ANKRD60: variants seen among roughly 807,000 people sequenced by gnomAD.
ANKRD60 encodes the protein ankyrin repeat domain 60.
A neutral mutation model predicts 21.3 loss-of-function variants in ANKRD60; 24 were observed. The observed-to-expected ratio is 1.13, with a 90% CI of 0.82 to 1.59. The LOEUF is 1.59. Ranked by LOEUF, ANKRD60 falls within the 40% of genes most tolerant of loss-of-function variation. The pLI is 0.00. For missense variants in ANKRD60, 490 were observed against 466.7 expected (o/e 1.05, Z -0.46); for synonymous variants, 182 against 199.4 (o/e 0.91, Z 0.74).
intron 3 of ANKRD60, among the ~76,000 whole-genome samples, chr20:58,220,683 A>AGTGTGTGTGTGT (rs36015489): frequency 1.8e-4 from 27 of 148,506 alleles, no homozygotes; most frequent in African/African-American, 6.3e-4. Context: ...GGTTTTTTCT[A>AGTGTGTGTGTGT]GTGTGTGTGT....
rs114706997 is a variant in ANKRD60 at position 58,222,970 on chromosome 20, C to T, written c.561+82G>A. 1.9e-3 allele frequency: 2,725 copies of T among 1,424,510 alleles called. 48 individuals carry two copies. In the African/African-American group the frequency reaches 0.035, roughly 18 times the overall value. 88.2% of individuals were successfully genotyped at this position (1,424,510 alleles called of 1,614,324 possible). ...TGCTCTGAAACTGTTATTCACATAT[C>T]CGTATTAAAGACTAATTTTCCCCCC... On this transcript the variant is annotated intron_variant, in intron 2 of 3. Transcript: ENST00000457363.
chr20:58,219,490 C>T (rs1038249290), intron 3 of ANKRD60, among the ~76,000 whole-genome samples: 1 of 152,150 alleles, frequency 6.6e-6, no homozygotes, highest in Non-Finnish European at 1.5e-5. Context: ...AAGACAGGCA[C>T]TCAGGAAATG....
chr20:58,221,599 A>G, intron 2 of ANKRD60, 96 bp from the exon 3 acceptor site: 1 of 1,350,768 alleles, frequency 7.4e-7, no homozygotes, highest in Non-Finnish European at 1.0e-6. Flanking sequence ...GCTTGCTTGA[A>G]TGTCAAATTA....
chr20:58,217,441 A>G (rs1007960948), downstream of ANKRD60, among the ~76,000 whole-genome samples: 1 of 151,992 alleles, frequency 6.6e-6, no homozygotes, highest in Non-Finnish European at 1.5e-5. Flanking sequence ...AAAAAGAAAA[A>G]AAAAAATCAA....
intron 1 of ANKRD60, among the ~76,000 whole-genome samples, chr20:58,227,803 C>G (rs1195848007): frequency 6.6e-6 from 1 of 151,944 alleles, no homozygotes; most frequent in Non-Finnish European, 1.5e-5. Flanking sequence ...TGAGGACAGG[C>G]CTTGTTTCAG....
Position 58,223,194 on chromosome 20 carries a change from A to C in ANKRD60, c.431-12T>G. 1 of 1,533,940 alleles carries C rather than the reference A, an allele frequency of 6.5e-7. No individual in the cohort carries two copies. On this transcript the variant is annotated splice_polypyrimidine_tract_variant and intron_variant, in intron 1 of 3. Coordinates refer to ENST00000457363, the Ensembl canonical transcript of ANKRD60. ...ATCCATCAAAACTCCTGCAGGGAAA[A>C]ATTTTTTTTCTTTTAAAAAATTGGG...
chr20:58,221,939 A>G (rs1470763246), intron 2 of ANKRD60, among the ~76,000 whole-genome samples: 1 of 152,144 alleles, frequency 6.6e-6, no homozygotes, highest in Non-Finnish European at 1.5e-5. Flanking sequence ...TAGGTTTCAG[A>G]GCAAGCTGAA....
chr20:58,227,513 G>T (rs1269730882), intron 1 of ANKRD60, among the ~76,000 whole-genome samples: 2 of 152,120 alleles, frequency 1.3e-5, no homozygotes, highest in African/African-American at 4.8e-5. Context: ...TTCAAGCCCT[G>T]GCATCCTGGG....
intron 1 of ANKRD60, among the ~76,000 whole-genome samples, chr20:58,224,622 G>C (rs868740024): frequency 6.6e-6 from 1 of 152,252 alleles, no homozygotes; most frequent in Non-Finnish European, 1.5e-5. Flanking sequence ...AGAGGGAATA[G>C]TGATCAGCAA....
chr20:58,222,972 G>A (rs572208840), intron 2 of ANKRD60, 80 bp downstream of exon 2: 54 of 1,439,280 alleles, frequency 3.8e-5, no homozygotes, highest in African/African-American at 2.9e-4. Context: ...TCACATATCC[G>A]TATTAAAGAC....
At chr20:58,217,306 G>A (rs1046511349), downstream of ANKRD60, among the ~76,000 whole-genome samples, 5 of 152,092 alleles carry the variant, frequency 3.3e-5, no homozygotes, top group Non-Finnish European at 7.3e-5. Context: ...GCAGGTGCCT[G>A]TAATCTTAGC....
At chr20:58,227,457 G>C (rs527758229) in intron 1 of ANKRD60, among the ~76,000 whole-genome samples, 9 of 152,064 alleles carry the variant, frequency 5.9e-5, no homozygotes, top group African/African-American at 2.2e-4. Context: ...GGTTCAGTTG[G>C]GCATGTGTGC....
rs1424970593 is a variant in ANKRD60, at chr20:58,227,147, ATAAT to A, written c.430+1073_430+1076del. Reference sequence around the variant, plus strand: ...GAGGATTCGGGGTTCTAATAGTCACATAATTAGTCTGGCAATTTGGGATTTCAGA... The same window carrying A: ...GAGGATTCGGGGTTCTAATAGTCACATAGTCTGGCAATTTGGGATTTCAGA... On this transcript the variant is annotated intron_variant, in intron 1 of 3. Coordinates refer to ENST00000457363, the Ensembl canonical transcript of ANKRD60. Among the ~76,000 whole-genome samples, 3 of 152,078 alleles carry A rather than the reference ATAAT, an allele frequency of 2.0e-5. No homozygotes were observed. The East Asian group carries it at 5.8e-4, about 29-fold the overall frequency.
At chr20:58,223,102 C>A in exon 2 of ANKRD60, 2 of 1,551,896 alleles carry the variant, frequency 1.3e-6, no homozygotes, top group Non-Finnish European at 1.7e-6. Context: ...GTCCATCCGT[C>A]ATGATGCCAG....
intron 1 of ANKRD60, 149 bp from the exon 2 acceptor site, chr20:58,223,331 G>A: frequency 1.4e-6 from 1 of 728,574 alleles, no homozygotes; most frequent in Non-Finnish European, 2.1e-6. Flanking sequence ...GTGTCGCGTG[G>A]GTCTGTCTGT....
chr20:58,223,076 C>T (rs1455328059), exon 2 of ANKRD60: 6 of 1,551,094 alleles, frequency 3.9e-6, no homozygotes, highest in Middle Eastern at 1.7e-4. Context: ...CTTCCACAGC[C>T]GCCAAAACAA....
downstream of ANKRD60, chr20:58,218,457 C>T: frequency 6.6e-7 from 1 of 1,524,916 alleles, no homozygotes; most frequent in African/African-American, 1.4e-5. Flanking sequence ...GCAAAGTTGC[C>T]CAAACCAGCC....
chr20:58,223,765 T>C (rs906746945), intron 1 of ANKRD60, among the ~76,000 whole-genome samples: 20 of 152,106 alleles, frequency 1.3e-4, no homozygotes, highest in African/African-American at 4.6e-4. Flanking sequence ...TCCCGGCCTC[T>C]ACCCACTAGA....
intron 1 of ANKRD60, among the ~76,000 whole-genome samples, chr20:58,226,594 T>G (rs75891925): frequency 1.3e-5 from 2 of 152,196 alleles, no homozygotes; most frequent in Non-Finnish European, 2.9e-5. Context: ...CTTCCTGACA[T>G]GGACATGGCC....
Sources: allele counts gnomAD v4.1 joint callset (sites outside exome capture counted in the v4.1 genomes callset), GRCh38; gene constraint gnomAD v4.1.1; transcripts MANE v1.5; gene names NCBI Gene and HGNC (gene_info 2026-07-23, HGNC 2026-07-21).